Variants in GAB2 observed in about 807,000 individuals in gnomAD.
GAB2 encodes GRB2 associated binding protein 2, also known as GRB2-associated-binding protein 2.
A neutral mutation model predicts 65.5 loss-of-function variants in GAB2; 26 were observed. That is an observed-to-expected ratio of 0.40 (90% CI 0.29 to 0.55). The LOEUF is 0.55. Among genes scored for constraint, GAB2 ranks in the 20% least tolerant of loss-of-function variants. The pLI, the probability that GAB2 is intolerant of heterozygous loss-of-function variation, is 0.53. For missense variants in GAB2, 884 were observed against 875.8 expected (o/e 1.01, Z -0.12); for synonymous variants, 321 against 329.6 (o/e 0.97, Z 0.28).
At chr11:78,225,962 C>A (rs937201796) in intron 4 of GAB2, among the ~76,000 whole-genome samples, 1 of 152,196 alleles carries the variant, frequency 6.6e-6, no homozygotes, top group African/African-American at 2.4e-5. Flanking sequence ...CAGTGGAAAA[C>A]AAGTAACAAT....
intron 1 of GAB2, among the ~76,000 whole-genome samples, chr11:78,322,400 G>A (rs1855743915): frequency 6.7e-6 from 1 of 149,760 alleles, no homozygotes. Context: ...GCCTTGGCAA[G>A]GAATTTATGA....
Position 78,217,574 on chromosome 11 carries a change from G to T in GAB2, c.*1698C>A, listed in dbSNP as rs894677230. On this transcript the variant is annotated 3_prime_UTR_variant, in exon 10 of 10. Coordinates refer to ENST00000361507, the MANE Select transcript of GAB2 (RefSeq NM_080491.3). ...GAGGAAGAAGTTCTGTTCGCCCCAG[G>T]GTAGAATGAAACGTCTGGTCTGTCC... The T allele has an allele frequency of 6.6e-6, 1 of 152,148 alleles. No individual in the cohort carries two copies. The highest frequency in any genetic ancestry group is 1.5e-5 in the Non-Finnish European group (1 of 68,032). 9.4% of individuals were successfully genotyped at this position (152,148 alleles called of 1,614,324 possible).
At chr11:78,367,910 G>A (rs1485458401) in intron 1 of GAB2, among the ~76,000 whole-genome samples, 1 of 143,536 alleles carries the variant, frequency 7.0e-6, no homozygotes, top group Non-Finnish European at 1.5e-5. Context: ...TCCGCCTCCC[G>A]GATTCACGCC....
intron 1 of GAB2, among the ~76,000 whole-genome samples, chr11:78,386,038 G>C (rs1208574627): frequency 2.0e-5 from 3 of 152,212 alleles, no homozygotes; most frequent in Non-Finnish European, 2.9e-5. Context: ...GTCAGTGCCT[G>C]AGATATATGA....
intron 1 of GAB2, among the ~76,000 whole-genome samples, chr11:78,413,405 A>G (rs966216296): frequency 6.6e-6 from 1 of 152,230 alleles, no homozygotes; most frequent in African/African-American, 2.4e-5. Context: ...GTCAGCCAAG[A>G]TAAGAGGAAG....
chr11:78,228,871 AT>A (rs1301242454), intron 3 of GAB2, among the ~76,000 whole-genome samples: 1 of 152,110 alleles, frequency 6.6e-6, no homozygotes, highest in Non-Finnish European at 1.5e-5. Context: ...TAAGGTGTTA[AT>A]GTTGTATGCA....
intron 1 of GAB2, among the ~76,000 whole-genome samples, chr11:78,365,398 T>C (rs1856483569): frequency 2.0e-5 from 3 of 152,166 alleles, no homozygotes; most frequent in Admixed American, 2.0e-4. Context: ...TAAATGCTAA[T>C]TAGATTTCCT....
chr11:78,306,958 C>T (rs1041807984), intron 1 of GAB2, among the ~76,000 whole-genome samples: 36 of 152,126 alleles, frequency 2.4e-4, no homozygotes, highest in African/African-American at 8.2e-4. Flanking sequence ...CTTTTATCTT[C>T]TAATTGTTTT....
At position 78,366,556 on chromosome 11, in the gene GAB2, A is replaced by C. The variant is rs187246226; in HGVS notation, c.75+51090T>G. Among the ~76,000 whole-genome samples the C allele has an allele frequency of 1.5e-3, 174 of 113,076 alleles. 1 individual carries two copies. The highest frequency in any genetic ancestry group is 5.7e-3 in the African/African-American group (171 of 29,878). The allele number at this position is 113,076 out of a possible 152,430, so 74.2% of individuals were successfully genotyped here. On this transcript the variant is annotated intron_variant, in intron 1 of 9. Coordinates refer to ENST00000361507, the MANE Select transcript of GAB2 (RefSeq NM_080491.3). ...AACTGAGATCACACCACTGTATTCC[A>C]GGCTGGGCGACAGAGCAAGACTCCA...
At chr11:78,372,220 C>G (rs1343130510) in intron 1 of GAB2, among the ~76,000 whole-genome samples, 1 of 152,110 alleles carries the variant, frequency 6.6e-6, no homozygotes, top group African/African-American at 2.4e-5. Context: ...GTGCTTTCAC[C>G]TTAGCCTCTC....
intron 2 of GAB2, among the ~76,000 whole-genome samples, chr11:78,280,053 G>T (rs1205107200): frequency 6.6e-6 from 1 of 152,170 alleles, no homozygotes; most frequent in Non-Finnish European, 1.5e-5. Flanking sequence ...ACTCTTTTGT[G>T]AAGATTATAA....
intron 9 of GAB2, 63 bp downstream of exon 9, chr11:78,220,256 C>T: frequency 6.3e-7 from 1 of 1,592,886 alleles, no homozygotes; most frequent in Non-Finnish European, 8.6e-7. Flanking sequence ...ACCCTGGCCT[C>T]CATGATCTCT....
intron 3 of GAB2, among the ~76,000 whole-genome samples, chr11:78,247,932 A>G (rs1865342379): frequency 6.6e-6 from 1 of 152,308 alleles, no homozygotes; most frequent in South Asian, 2.1e-4. Flanking sequence ...CACAAGTGAA[A>G]ACCATGACAG....
chr11:78,278,868 G>A (rs1866249958), intron 2 of GAB2, among the ~76,000 whole-genome samples: 1 of 152,038 alleles, frequency 6.6e-6, no homozygotes, highest in Non-Finnish European at 1.5e-5. Flanking sequence ...TTACAGGCAT[G>A]CTACCATGCC....
intron 1 of GAB2, among the ~76,000 whole-genome samples, chr11:78,322,506 A>G (rs890746504): frequency 3.0e-4 from 46 of 152,028 alleles, no homozygotes; most frequent in African/African-American, 1.1e-3. Context: ...AACTATCGAG[A>G]GAGTAAAGAG....
At chr11:78,322,327 A>AAAAAAAAAAAAAAAAAAAAAC in intron 1 of GAB2, among the ~76,000 whole-genome samples, 1 of 147,328 alleles carries the variant, frequency 6.8e-6, no homozygotes, top group Non-Finnish European at 1.5e-5. Flanking sequence ...AAAAAAAAAA[A>AAAAAAAAAAAAAAAAAAAAAC]AGTAAGATCT....
At chr11:78,399,377 C>T (rs577351698) in intron 1 of GAB2, among the ~76,000 whole-genome samples, 176 of 152,316 alleles carry the variant, frequency 1.2e-3, no homozygotes, top group African/African-American at 4.0e-3. Context: ...TCTGAGCTAA[C>T]CTTTGAAGGG....
intron 1 of GAB2, among the ~76,000 whole-genome samples, chr11:78,395,186 G>A (rs937145010): frequency 6.6e-6 from 1 of 152,268 alleles, no homozygotes; most frequent in Non-Finnish European, 1.5e-5. Context: ...AGGCGCGGCG[G>A]CTCACGCCTG....
intron 1 of GAB2, among the ~76,000 whole-genome samples, chr11:78,353,925 C>T (rs950281417): frequency 3.3e-5 from 5 of 152,306 alleles, no homozygotes; most frequent in African/African-American, 9.6e-5. Context: ...TCAGAATCAC[C>T]GGAAAGCTTG....
Sources: gnomAD v4.1 joint callset for allele counts (sites outside exome capture counted in the v4.1 genomes callset) on GRCh38, gnomAD v4.1.1 for gene constraint, MANE v1.5 for transcripts, NCBI Gene and HGNC (gene_info 2026-07-23, HGNC 2026-07-21) for gene names.